The following NCALD variants were observed in gnomAD, a reference collection of about 807,000 sequenced individuals.
The protein encoded by NCALD is neurocalcin delta.
A neutral mutation model predicts 18.6 loss-of-function variants in NCALD; 10 were observed. The observed-to-expected ratio is 0.54, with a 90% confidence interval of 0.33 to 0.91. The LOEUF (loss-of-function observed/expected upper bound fraction) is 0.91, where lower values mean the gene tolerates loss of function less well. Among genes scored for constraint, NCALD ranks in the 40% least tolerant of loss-of-function variants. The pLI is 0.03. For missense variants in NCALD, 184 were observed against 247.6 expected (o/e 0.74, Z 1.72); for synonymous variants, 88 against 87.4 (o/e 1.01, Z -0.04).
intron 1 of NCALD, among the ~76,000 whole-genome samples, chr8:102,076,580 A>AT (rs1824356783): frequency 6.6e-6 from 1 of 150,740 alleles, no homozygotes; most frequent in South Asian, 2.1e-4. Context: ...GAAGCTCAAA[A>AT]TGACTCTCCA....
At chr8:101,789,346 G>A (rs1404091696) in intron 1 of NCALD, among the ~76,000 whole-genome samples, 1 of 152,072 alleles carries the variant, frequency 6.6e-6, no homozygotes, top group East Asian at 1.9e-4. Context: ...AGATGTGCCT[G>A]GAATGAAAGC....
At chr8:101,866,807 T>C (rs1002814301) in intron 4 of NCALD, among the ~76,000 whole-genome samples, 4 of 152,164 alleles carry the variant, frequency 2.6e-5, no homozygotes, top group Non-Finnish European at 5.9e-5. Context: ...CTAACTGGTG[T>C]CGCTAGTTCT....
chr8:101,870,782 C>T (rs1055800813), intron 4 of NCALD, among the ~76,000 whole-genome samples: 4 of 151,910 alleles, frequency 2.6e-5, no homozygotes, highest in Non-Finnish European at 5.9e-5. Context: ...ACAGGTCAGC[C>T]TCTACAGAGA....
chr8:101,914,177 A>C (rs1246354767), intron 3 of NCALD, among the ~76,000 whole-genome samples: 1 of 152,134 alleles, frequency 6.6e-6, no homozygotes, highest in African/African-American at 2.4e-5. Flanking sequence ...GATTGTGACT[A>C]TCTCTCAGAC....
chr8:102,027,834 G>A (rs1257974598), intron 1 of NCALD, among the ~76,000 whole-genome samples: 9 of 152,084 alleles, frequency 5.9e-5, no homozygotes, highest in East Asian at 3.8e-4. Context: ...ACCCTTCTTC[G>A]CACAGTGGCA....
chr8:101,818,621 GAACT>G (rs1342693201), intron 4 of NCALD, among the ~76,000 whole-genome samples: 38 of 152,214 alleles, frequency 2.5e-4, no homozygotes, highest in Admixed American at 2.4e-3. Flanking sequence ...AAATTCCAGT[GAACT>G]AATATATCAT....
At chr8:101,862,524 A>C (rs1563835975) in intron 4 of NCALD, among the ~76,000 whole-genome samples, 1 of 152,234 alleles carries the variant, frequency 6.6e-6, no homozygotes, top group Non-Finnish European at 1.5e-5. Context: ...TTCTAATAGC[A>C]AACTCTTCAA....
intron 2 of NCALD, among the ~76,000 whole-genome samples, chr8:102,003,968 C>G (rs1167124060): frequency 1.3e-5 from 2 of 151,874 alleles, no homozygotes; most frequent in South Asian, 4.2e-4. Context: ...AAAACTGGCA[C>G]AAGACAGGGA....
In NCALD at chr8:102,074,862, C is replaced by G. The variant is rs150391900; in HGVS notation, c.-210+49375G>C. 1.6e-4 allele frequency among the ~76,000 whole-genome samples: 25 copies of G among 152,236 alleles called. No individual in the cohort carries two copies. In the East Asian group the frequency reaches 4.6e-3, roughly 28 times the overall value. ...CAATTATGATTCCATTCAGCTGTGA[C>G]TTTTTAATCAATTTTGGGTGGGGCC... On this transcript the variant is annotated intron_variant, in intron 1 of 6. Coordinates refer to the NCALD transcript ENST00000311028.
chr8:101,892,820 A>G (rs1386958425), intron 3 of NCALD, among the ~76,000 whole-genome samples: 1 of 149,660 alleles, frequency 6.7e-6, no homozygotes. Context: ...AGAAAAAAGA[A>G]TACAAAGAAA....
chr8:101,935,734 A>G (rs1244219536), intron 2 of NCALD, among the ~76,000 whole-genome samples: 1 of 151,594 alleles, frequency 6.6e-6, no homozygotes, highest in African/African-American at 2.4e-5. Context: ...CTCTTTTGCC[A>G]TTAAGGGGAA....
chr8:101,781,483 G>C (rs752246241), intron 1 of NCALD, among the ~76,000 whole-genome samples: 2 of 152,114 alleles, frequency 1.3e-5, no homozygotes, highest in South Asian at 4.2e-4. Flanking sequence ...AAGGCCTCTC[G>C]ACACAAAAAC....
chr8:101,747,128 G>C (rs1306897205), intron 1 of NCALD, among the ~76,000 whole-genome samples: 3 of 152,154 alleles, frequency 2.0e-5, no homozygotes, highest in African/African-American at 4.8e-5. Context: ...CAGTCTGTTG[G>C]ACCCACACCC....
At chr8:101,737,240 C>T (rs886316145) in intron 1 of NCALD, among the ~76,000 whole-genome samples, 2 of 152,094 alleles carry the variant, frequency 1.3e-5, no homozygotes, top group Non-Finnish European at 2.9e-5. Context: ...TGCACCACCA[C>T]ACCTGACTAT....
intron 1 of NCALD, among the ~76,000 whole-genome samples, chr8:101,735,116 T>A (rs747669990): frequency 6.6e-6 from 1 of 151,966 alleles, no homozygotes; most frequent in Non-Finnish European, 1.5e-5. Context: ...GAAAGCAGGA[T>A]AAAATGATAG....
intron 1 of NCALD, among the ~76,000 whole-genome samples, chr8:102,103,035 G>A (rs1056562471): frequency 2.6e-5 from 4 of 152,234 alleles, no homozygotes; most frequent in Admixed American, 6.5e-5. Context: ...ACATATTGTC[G>A]GGTGGATCCA....
intron 4 of NCALD, among the ~76,000 whole-genome samples, chr8:101,880,392 C>T (rs1446391175): frequency 6.6e-6 from 1 of 152,186 alleles, no homozygotes; most frequent in Non-Finnish European, 1.5e-5. Flanking sequence ...GCCTCTCCCT[C>T]CACACCTCCC....
At chr8:101,942,921 C>G (rs1379559416) in intron 2 of NCALD, among the ~76,000 whole-genome samples, 1 of 152,156 alleles carries the variant, frequency 6.6e-6, no homozygotes, top group Non-Finnish European at 1.5e-5. Context: ...TAAGAGCCAG[C>G]TGATGAGTGG....
At chr8:101,774,762 C>T (rs1333233393) in intron 1 of NCALD, among the ~76,000 whole-genome samples, 3 of 152,184 alleles carry the variant, frequency 2.0e-5, no homozygotes, top group African/African-American at 7.2e-5. Context: ...CACATTCCCA[C>T]ATGGCCCAGC....
Sources: gnomAD v4.1 joint callset for allele counts (sites outside exome capture counted in the v4.1 genomes callset) on GRCh38, gnomAD v4.1.1 for gene constraint, MANE v1.5 for transcripts, NCBI Gene and HGNC (gene_info 2026-07-23, HGNC 2026-07-21) for gene names.